The following PARD3B variants were observed in gnomAD, a reference collection of about 807,000 sequenced individuals.
PARD3B encodes partitioning defective 3 homolog B.
PARD3B carries 103 observed loss-of-function variants against 130.2 expected under a neutral mutation model. The observed-to-expected ratio is 0.79, with a 90% CI of 0.67 to 0.93. PARD3B has a LOEUF of 0.93. Among genes scored for constraint, PARD3B ranks in the 40% least tolerant of loss-of-function variants. The probability of loss-of-function intolerance (pLI) is 0.00; values close to 1 mark genes in which losing one functional copy is unlikely to be tolerated. For missense variants in PARD3B, 1,609 were observed against 1,499.2 expected (o/e 1.07, Z -1.21); for synonymous variants, 583 against 553.2 (o/e 1.05, Z -0.76).
chr2:204,715,349 CCATT>C (rs1574791439), intron 2 of PARD3B, among the ~76,000 whole-genome samples: 2 of 152,196 alleles, frequency 1.3e-5, no homozygotes, highest in African/African-American at 4.8e-5. Context: ...TTCTTGAAAA[CCATT>C]CATTTTTGTA....
chr2:205,093,366 C>A lies in PARD3B; in HGVS notation c.505-11060C>A, dbSNP rs562936718. Among the ~76,000 whole-genome samples, 5 of 152,140 alleles carry A rather than the reference C, an allele frequency of 3.3e-5. No individual in the cohort carries two copies. In the South Asian group the frequency reaches 8.3e-4, roughly 25 times the overall value. ...TTCCCCACCTCAAAGCTCTCAGAAC[C>A]AAGCAAGGCAGACAGACCTGTAAAG... On this transcript the variant is annotated intron_variant, in intron 4 of 22. Transcript: ENST00000406610.
intron 4 of PARD3B, among the ~76,000 whole-genome samples, chr2:205,096,611 G>A (rs971194631): frequency 6.6e-6 from 1 of 152,150 alleles, no homozygotes; most frequent in African/African-American, 2.4e-5. Flanking sequence ...TTTACACTGA[G>A]TGCAGTTTTA....
At chr2:205,608,677 G>C (rs990242818) in intron 22 of PARD3B, among the ~76,000 whole-genome samples, 1 of 152,126 alleles carries the variant, frequency 6.6e-6, no homozygotes, top group Non-Finnish European at 1.5e-5. Context: ...CTGATAGGAT[G>C]AAACACTCTT....
chr2:204,934,885 A>AATAT (rs1176148090), intron 2 of PARD3B, among the ~76,000 whole-genome samples: 3 of 152,206 alleles, frequency 2.0e-5, no homozygotes, highest in Admixed American at 2.0e-4. Context: ...GTTTGGGGCT[A>AATAT]ATATATATAA....
chr2:205,523,785 T>C (rs2051202252), intron 21 of PARD3B, among the ~76,000 whole-genome samples: 1 of 151,506 alleles, frequency 6.6e-6, no homozygotes, highest in African/African-American at 2.4e-5. Flanking sequence ...CATTGCTCAG[T>C]TCTTTATTTT....
At chr2:205,452,574 T>C (rs1234773652) in intron 20 of PARD3B, among the ~76,000 whole-genome samples, 1 of 152,180 alleles carries the variant, frequency 6.6e-6, no homozygotes, top group Non-Finnish European at 1.5e-5. Context: ...TAAACAATAA[T>C]GAGAAATCTC....
intron 19 of PARD3B, among the ~76,000 whole-genome samples, chr2:205,428,706 G>A (rs2047228036): frequency 2.6e-5 from 4 of 151,962 alleles, no homozygotes; most frequent in Admixed American, 2.0e-4. Context: ...AAGGAGGGAG[G>A]AATAAATATA....
At chr2:205,368,390 T>C (rs1331003541) in intron 18 of PARD3B, among the ~76,000 whole-genome samples, 1 of 152,144 alleles carries the variant, frequency 6.6e-6, no homozygotes, top group Admixed American at 6.6e-5. Flanking sequence ...CCCAGCACTT[T>C]GGGAGGCCGA....
chr2:204,665,236 T>A (rs536811840), intron 1 of PARD3B, among the ~76,000 whole-genome samples: 1 of 152,274 alleles, frequency 6.6e-6, no homozygotes, highest in Non-Finnish European at 1.5e-5. Context: ...GGTGTTGAGA[T>A]AGCCTCAAAT....
At chr2:205,192,430 T>C (rs2036447571) in intron 14 of PARD3B, among the ~76,000 whole-genome samples, 1 of 152,204 alleles carries the variant, frequency 6.6e-6, no homozygotes, top group Admixed American at 6.5e-5. Flanking sequence ...AGAAAATGGC[T>C]ATAATTTAGT....
intron 2 of PARD3B, among the ~76,000 whole-genome samples, chr2:204,742,440 G>C (rs2040047888): frequency 6.6e-6 from 1 of 152,150 alleles, no homozygotes; most frequent in African/African-American, 2.4e-5. Context: ...ATGTGAAGAA[G>C]GTGAGGAGAA....
chr2:205,467,173 T>A (rs527261063), intron 20 of PARD3B, among the ~76,000 whole-genome samples: 1 of 152,378 alleles, frequency 6.6e-6, no homozygotes, highest in South Asian at 2.1e-4. Flanking sequence ...TGACCTTTTT[T>A]TGACCAACAG....
intron 22 of PARD3B, among the ~76,000 whole-genome samples, chr2:205,565,310 A>G (rs1001815913): frequency 1.3e-5 from 2 of 152,192 alleles, no homozygotes; most frequent in South Asian, 4.1e-4. Flanking sequence ...TTTCCTGGAA[A>G]CAGTCATATA....
chr2:205,169,636 T>A (rs1216648815), intron 11 of PARD3B, among the ~76,000 whole-genome samples: 1 of 152,144 alleles, frequency 6.6e-6, no homozygotes, highest in African/African-American at 2.4e-5. Context: ...TTTCTTCCTG[T>A]CGTAGCAGAT....
chr2:204,988,531 G>C (rs1027639513), intron 3 of PARD3B, among the ~76,000 whole-genome samples: 1 of 151,960 alleles, frequency 6.6e-6, no homozygotes, highest in African/African-American at 2.4e-5. Flanking sequence ...TTGAGGGGGT[G>C]GATACCCCAT....
At chr2:204,899,892 T>A (rs1042699586) in intron 2 of PARD3B, among the ~76,000 whole-genome samples, 3 of 124,414 alleles carry the variant, frequency 2.4e-5, no homozygotes, top group Non-Finnish European at 4.7e-5. Flanking sequence ...TTGATAAAAG[T>A]TTTTTTTTTT....
At chr2:204,851,793 A>G (rs770557743) in intron 2 of PARD3B, among the ~76,000 whole-genome samples, 5 of 151,974 alleles carry the variant, frequency 3.3e-5, no homozygotes, top group East Asian at 1.9e-4. Context: ...CCAGGCTTCA[A>G]GTGATTCTCC....
intron 2 of PARD3B, among the ~76,000 whole-genome samples, chr2:204,800,410 T>G (rs1422909279): frequency 6.6e-6 from 1 of 151,988 alleles, no homozygotes; most frequent in Non-Finnish European, 1.5e-5. Flanking sequence ...TTTAAGTTAG[T>G]GGCCTCAAAA....
At chr2:205,343,051 A>G (rs1030255720) in intron 18 of PARD3B, among the ~76,000 whole-genome samples, 1 of 152,220 alleles carries the variant, frequency 6.6e-6, no homozygotes, top group Non-Finnish European at 1.5e-5. Context: ...ATTCATTTCT[A>G]TCAGCATTAT....
Sources: allele counts gnomAD v4.1 joint callset (sites outside exome capture counted in the v4.1 genomes callset), GRCh38; gene constraint gnomAD v4.1.1; transcripts MANE v1.5; gene names NCBI Gene and HGNC (gene_info 2026-07-23, HGNC 2026-07-21).